Variants in ANKRD30BL observed in about 807,000 individuals in gnomAD.
ANKRD30BL encodes the protein putative ankyrin repeat domain-containing protein 30B-like.
Under a neutral mutation model 18.4 loss-of-function variants are expected in ANKRD30BL, and 20 were observed. The observed-to-expected ratio is 1.09, with a 90% CI of 0.77 to 1.58. The LOEUF (loss-of-function observed/expected upper bound fraction) is 1.58, where lower values mean the gene tolerates loss of function less well. Among genes scored for constraint, ANKRD30BL ranks in the 40% most tolerant of loss-of-function variants. The probability of loss-of-function intolerance (pLI) is 0.00; values close to 1 mark genes in which losing one functional copy is unlikely to be tolerated. For synonymous variants in ANKRD30BL, 72 were observed against 100.9 expected (o/e 0.71, Z 1.72); for missense variants, 224 against 268.6 (o/e 0.83, Z 1.16).
rs527333199 is a variant in ANKRD30BL, at chr2:132,225,691, T to C, written n.441+31838A>G. ...ACATAAACACTAGATAGAAGTTTTT[T>C]CCGAAACTTCTTTGGCTGTGTGCAT... On this transcript the variant is annotated intron_variant and non_coding_transcript_variant, in intron 1 of 4. Coordinates refer to the ANKRD30BL transcript ENST00000470729. Among the ~76,000 whole-genome samples the C allele has an allele frequency of 9.5e-3, 1,441 of 152,146 alleles. 22 individuals are homozygous for C. The highest frequency in any genetic ancestry group is 0.032 in the African/African-American group (1,311 of 41,546).
intron 4 of ANKRD30BL, chr2:132,152,196 C>G (rs1349697281): frequency 6.6e-6 from 1 of 152,192 alleles, no homozygotes; most frequent in Non-Finnish European, 1.5e-5. Context: ...CACACCATTT[C>G]CTTGGAGCTA....
intron 4 of ANKRD30BL, among the ~76,000 whole-genome samples, chr2:132,151,626 C>CA (rs1329351853): frequency 4.2e-5 from 6 of 144,218 alleles, no homozygotes; most frequent in South Asian, 2.3e-4. Flanking sequence ...AAAAAAAAAA[C>CA]AAAAAAAATG....
At chr2:132,223,419 G>A (rs796198004) in intron 1 of ANKRD30BL, among the ~76,000 whole-genome samples, 1 of 151,540 alleles carries the variant, frequency 6.6e-6, no homozygotes, top group Non-Finnish European at 1.5e-5. Flanking sequence ...CATTTGGAGC[G>A]CTTTGAGGCC....
At chr2:132,211,769 A>T (rs1249480075) in intron 1 of ANKRD30BL, among the ~76,000 whole-genome samples, 1 of 151,948 alleles carries the variant, frequency 6.6e-6, no homozygotes, top group African/African-American at 2.4e-5. Context: ...GCATTCTCTG[A>T]AACTTCTTTG....
At position 132,198,256 on chromosome 2, in the gene ANKRD30BL, C is replaced by CT. The variant is rs538391606; in HGVS notation, n.442-41111dup. On this transcript the variant is annotated intron_variant and non_coding_transcript_variant, in intron 1 of 4. Transcript: ENST00000470729. ...TTTTCTCTTTCATAATTTACTATACCTTCTTTCTTTCTTTTCTTTCTTTCT... is the reference window on the plus strand; with the variant it reads ...TTTTCTCTTTCATAATTTACTATACCTTTCTTTCTTTCTTTTCTTTCTTTCT... 7.2e-4 allele frequency among the ~76,000 whole-genome samples: 99 copies of CT among 137,018 alleles called. 1 individual carries two copies. The highest frequency in any genetic ancestry group is 2.8e-3 in the African/African-American group (91 of 32,164). 89.9% of individuals were successfully genotyped at this position (137,018 alleles called of 152,430 possible). A position where few individuals can be genotyped will look rare whatever the true frequency, so the allele number is the denominator to read the frequency against.
intron 1 of ANKRD30BL, among the ~76,000 whole-genome samples, chr2:132,212,359 T>C (rs1221387661): frequency 6.6e-6 from 1 of 152,018 alleles, no homozygotes; most frequent in Non-Finnish European, 1.5e-5. Flanking sequence ...TGCATGCATC[T>C]CACAGAGTTG....
intron 1 of ANKRD30BL, among the ~76,000 whole-genome samples, chr2:132,221,748 C>G (rs1201238807): frequency 9.1e-6 from 1 of 109,878 alleles, no homozygotes; most frequent in Non-Finnish European, 1.8e-5. Context: ...AGGGGCGCCT[C>G]TGCCCGGCCG....
chr2:132,252,233 G>A (rs1345933754), intron 1 of ANKRD30BL, among the ~76,000 whole-genome samples: 1 of 152,240 alleles, frequency 6.6e-6, no homozygotes, highest in Non-Finnish European at 1.5e-5. Flanking sequence ...CCCTACAGTG[G>A]CTGCGCCAAG....
chr2:132,240,713 G>T (rs1216432085), intron 1 of ANKRD30BL, among the ~76,000 whole-genome samples: 2 of 149,954 alleles, frequency 1.3e-5, no homozygotes, highest in Non-Finnish European at 3.0e-5. Flanking sequence ...TGTGATGTTT[G>T]CATTAATCTC....
chr2:132,207,894 T>C (rs879361007), intron 1 of ANKRD30BL, among the ~76,000 whole-genome samples: 3 of 152,190 alleles, frequency 2.0e-5, no homozygotes, highest in African/African-American at 4.8e-5. Flanking sequence ...GTTAGTATGA[T>C]ACTATAATGC....
At chr2:132,166,941 G>A (rs1305422270), upstream of ANKRD30BL, among the ~76,000 whole-genome samples, 3 of 151,332 alleles carry the variant, frequency 2.0e-5, no homozygotes, top group Non-Finnish European at 4.4e-5. Flanking sequence ...ATAAATTTAG[G>A]TACTAGTTCT....
rs774319704 is a variant in ANKRD30BL, at chr2:132,157,334, C to T, written c.308G>A (p.Gly103Asp). The change falls in exon 2 of 6, where the codon GGT (glycine) becomes GAT (aspartate). Residue 103 changes from glycine to aspartate, a missense_variant. Around this residue, in one of 3 missense-constraint regions of ANKRD30BL, gnomAD observed 131 missense variants for 128.8 expected, o/e 1.02. Coordinates refer to ENST00000409867, the MANE Select transcript of ANKRD30BL (RefSeq NM_001358416.1). ...CTTCATCAGAATGGTCCTGTTTTCACCATCAAGGACGTCAAGCTGACACTT... is the reference window on the plus strand; with the variant it reads ...CTTCATCAGAATGGTCCTGTTTTCATCATCAAGGACGTCAAGCTGACACTT... ...DRKCQLDVLD[G>D]ENRTILMKAL... 77 of 760,126 alleles carry T rather than the reference C, an allele frequency of 1.0e-4. No homozygotes were observed. The highest frequency in any genetic ancestry group is 1.4e-4 in the Non-Finnish European group (60 of 420,758). 47.1% of individuals were successfully genotyped at this position (760,126 alleles called of 1,614,324 possible). A position where few individuals can be genotyped will look rare whatever the true frequency, so the allele number is the denominator to read the frequency against.
At chr2:132,213,367 C>T (rs112265849) in intron 1 of ANKRD30BL, among the ~76,000 whole-genome samples, 9,887 of 151,538 alleles carry the variant, frequency 0.065, 651 homozygotes, top group African/African-American at 0.23. Context: ...GCATTCAACT[C>T]ACAGAGTTGA....
chr2:132,199,989 G>A (rs1679061780), intron 1 of ANKRD30BL, among the ~76,000 whole-genome samples: 1 of 152,130 alleles, frequency 6.6e-6, no homozygotes, highest in African/African-American at 2.4e-5. Flanking sequence ...TCATCCCTGG[G>A]ATGCAAGGCT....
At chr2:132,223,700 C>T (rs1254529628) in intron 1 of ANKRD30BL, among the ~76,000 whole-genome samples, 1 of 151,590 alleles carries the variant, frequency 6.6e-6, no homozygotes, top group Non-Finnish European at 1.5e-5. Context: ...TTGAAGCTTT[C>T]TTTTGATAGA....
intron 1 of ANKRD30BL, among the ~76,000 whole-genome samples, chr2:132,230,113 G>T (rs1206150681): frequency 3.3e-5 from 5 of 150,262 alleles, no homozygotes; most frequent in Non-Finnish European, 7.4e-5. Context: ...TTTGAGGCCT[G>T]TGGTGGAAAA....
intron 1 of ANKRD30BL, among the ~76,000 whole-genome samples, chr2:132,215,473 T>C (rs1468419916): frequency 1.3e-5 from 2 of 152,246 alleles, no homozygotes; most frequent in Non-Finnish European, 2.9e-5. Context: ...TGGTGCTATC[T>C]GCAAATGGAC....
At chr2:132,162,412 A>G (rs1283078744), upstream of ANKRD30BL, among the ~76,000 whole-genome samples, 1 of 152,172 alleles carries the variant, frequency 6.6e-6, no homozygotes, top group East Asian at 1.9e-4. Flanking sequence ...ACCGCTGAGC[A>G]TCGCCGAGTA....
chr2:132,232,871 GAC>G (rs1259477603), intron 1 of ANKRD30BL, among the ~76,000 whole-genome samples: 12 of 151,898 alleles, frequency 7.9e-5, no homozygotes, highest in Non-Finnish European at 1.0e-4. Context: ...GCAACTCCAA[GAC>G]ACATAATTGT....
Sources: allele counts gnomAD v4.1 joint callset (sites outside exome capture counted in the v4.1 genomes callset), GRCh38; gene constraint gnomAD v4.1.1; regional missense constraint gnomAD v4.1.1; transcripts MANE v1.5; gene names NCBI Gene and HGNC (gene_info 2026-07-23, HGNC 2026-07-21).